Variants in NTM observed in about 807,000 individuals in gnomAD.
NTM encodes IgLON family member 2.
Under a neutral mutation model 42.1 loss-of-function variants are expected in NTM, and 13 were observed. The ratio of observed to expected loss-of-function variants is 0.31; its 90% CI spans 0.20 to 0.49. NTM has a LOEUF of 0.49. NTM is among the 20% of genes least tolerant of loss of function. The pLI is 0.99. For synonymous variants in NTM, 187 were observed against 179.2 expected (o/e 1.04, Z -0.35); for missense variants, 373 against 452.8 (o/e 0.82, Z 1.60).
chr11:131,888,588 C>T (rs2050757901), intron 1 of NTM, among the ~76,000 whole-genome samples: 4 of 152,170 alleles, frequency 2.6e-5, no homozygotes. Context: ...CTCCCTCCTC[C>T]TTCCACTTCC....
chr11:131,612,519 T>A (rs372590397), intron 1 of NTM, among the ~76,000 whole-genome samples: 7 of 152,256 alleles, frequency 4.6e-5, no homozygotes, highest in East Asian at 3.9e-4. Context: ...CCAAAGTCTA[T>A]CCAAAAGGGT....
intron 1 of NTM, among the ~76,000 whole-genome samples, chr11:131,797,488 G>T (rs955645083): frequency 6.6e-6 from 1 of 152,202 alleles, no homozygotes; most frequent in Non-Finnish European, 1.5e-5. Context: ...AAGGAAATAT[G>T]AGACAAATGG....
rs142591422 is a variant in NTM at position 131,988,299 on chromosome 11, G to A, written c.167+76651G>A. Among the ~76,000 whole-genome samples, 907 of 152,288 alleles carry A rather than the reference G, an allele frequency of 6.0e-3. 12 individuals carry two copies. Among genetic ancestry groups the A allele is most frequent in the African/African-American group, 0.021 (863 of 41,572 alleles). On this transcript the variant is annotated intron_variant, in intron 2 of 8. Coordinates refer to ENST00000683400, the MANE Select transcript of NTM (RefSeq NM_001352005.2). Reference sequence around the variant, plus strand: ...GGAGACAAAAACCATTCAGACTGTAGCATTGAAGGTTATTGTCTGATTAAA... The same window carrying A: ...GGAGACAAAAACCATTCAGACTGTAACATTGAAGGTTATTGTCTGATTAAA...
chr11:132,292,182 T>C (rs1327278484), intron 4 of NTM, among the ~76,000 whole-genome samples: 1 of 152,192 alleles, frequency 6.6e-6, no homozygotes, highest in Non-Finnish European at 1.5e-5. Flanking sequence ...GGAATTGGTT[T>C]TTTGATAGCG....
chr11:132,037,233 G>A (rs894766775), intron 2 of NTM, among the ~76,000 whole-genome samples: 21 of 151,952 alleles, frequency 1.4e-4, no homozygotes, highest in African/African-American at 4.6e-4. Context: ...GTGGAAAAGA[G>A]CCTGGTAAGA....
intron 7 of NTM, among the ~76,000 whole-genome samples, chr11:132,319,154 G>T (rs988433861): frequency 1.3e-5 from 2 of 152,160 alleles, no homozygotes; most frequent in African/African-American, 4.8e-5. Flanking sequence ...CAAGATGGCC[G>T]AATAGGAACA....
intron 1 of NTM, among the ~76,000 whole-genome samples, chr11:131,511,230 G>A (rs988083721): frequency 6.6e-6 from 1 of 152,146 alleles, no homozygotes; most frequent in Non-Finnish European, 1.5e-5. Context: ...TGGTACACAC[G>A]GGTTCCTTGG....
Position 132,335,053 on chromosome 11 carries a change from C to A in NTM, c.975C>A (p.Gly325=), listed in dbSNP as rs184652868. The change falls in exon 9 of 9, where the codon GGC becomes GGA. Residue 325 remains glycine, a synonymous_variant. Coordinates refer to ENST00000683400, the MANE Select transcript of NTM (RefSeq NM_001352005.2). The part of the protein sequence containing the change: ...TTALTPWKGP[G]AVSEVSNGTS... ...AGTGTGTTCTCTCCACAGGTCCAGG[C>A]GCCGTCAGCGAGGTGAGCAACGGCA... 6.2e-7 allele frequency: 1 copy of A among 1,612,044 alleles called. No homozygotes were observed. The highest frequency in any genetic ancestry group is 2.2e-5 in the East Asian group (1 of 44,816).
At chr11:132,145,625 G>A (rs2070217221) in intron 2 of NTM, among the ~76,000 whole-genome samples, 1 of 152,178 alleles carries the variant, frequency 6.6e-6, no homozygotes, top group Non-Finnish European at 1.5e-5. Flanking sequence ...TTTGGAAAGT[G>A]GCTTTAGTCT....
Position 132,146,649 on chromosome 11 carries a change from G to A in NTM, c.400+135G>A. On this transcript the variant is annotated intron_variant, in intron 3 of 8. Transcript: ENST00000683400. The surrounding 1 kb of genome is among the most constrained non-coding windows in gnomAD (Gnocchi z 4.5). ...ATCTGGGGTCCAGGGCACATTTCTGGTTGTCATTTTGCAGTTAGAAGCTAA... is the reference window on the plus strand; with the variant it reads ...ATCTGGGGTCCAGGGCACATTTCTGATTGTCATTTTGCAGTTAGAAGCTAA... The A allele has an allele frequency of 1.1e-6, 1 of 891,572 alleles. No homozygotes were observed. Among genetic ancestry groups the A allele is most frequent in the East Asian group, 2.8e-5 (1 of 36,036 alleles). 55.2% of individuals were successfully genotyped at this position (891,572 alleles called of 1,614,324 possible). A position where few individuals can be genotyped will look rare whatever the true frequency, so the allele number is the denominator to read the frequency against.
intron 7 of NTM, among the ~76,000 whole-genome samples, chr11:132,329,731 G>T (rs893226317): frequency 1.3e-5 from 2 of 152,178 alleles, no homozygotes; most frequent in Admixed American, 6.5e-5. Context: ...AACTTTATAC[G>T]TAAGACCTAC....
chr11:132,154,898 C>T (rs2072833405), intron 3 of NTM, among the ~76,000 whole-genome samples: 1 of 152,226 alleles, frequency 6.6e-6, no homozygotes, highest in Non-Finnish European at 1.5e-5. Flanking sequence ...GAGCACCACA[C>T]TTTCTTCATT....
At chr11:131,462,947 TC>T (rs1951540101) in intron 1 of NTM, among the ~76,000 whole-genome samples, 1 of 147,404 alleles carries the variant, frequency 6.8e-6, no homozygotes. Flanking sequence ...ACTTATCTAC[TC>T]ATGAAAAAAA....
At chr11:131,597,543 GGC>G (rs1394075331) in intron 1 of NTM, among the ~76,000 whole-genome samples, 3 of 152,146 alleles carry the variant, frequency 2.0e-5, no homozygotes, top group African/African-American at 4.8e-5. Context: ...CAAGGCCTAA[GGC>G]GCGCAAGTTC....
At chr11:131,542,452 G>C (rs1565620101) in intron 1 of NTM, among the ~76,000 whole-genome samples, 1 of 152,184 alleles carries the variant, frequency 6.6e-6, no homozygotes, top group Non-Finnish European at 1.5e-5. Flanking sequence ...TAAAACTTCT[G>C]TAACTAAGCA....
At chr11:131,722,021 A>AAAAAAAAAAG (rs368857349) in intron 1 of NTM, among the ~76,000 whole-genome samples, 1 of 112,746 alleles carries the variant, frequency 8.9e-6, no homozygotes, top group African/African-American at 3.4e-5. Flanking sequence ...AAAAAAAAAA[A>AAAAAAAAAAG]AGAGAGAAAG....
chr11:131,394,253 C>T (rs1565458346), intron 1 of NTM, among the ~76,000 whole-genome samples: 2 of 152,200 alleles, frequency 1.3e-5, no homozygotes, highest in Admixed American at 1.3e-4. Context: ...TCCCTCATTT[C>T]TCTCTCTACT....
intron 4 of NTM, among the ~76,000 whole-genome samples, chr11:132,304,567 C>T (rs1275662811): frequency 6.6e-6 from 1 of 152,074 alleles, no homozygotes; most frequent in Admixed American, 6.5e-5. Flanking sequence ...TTTTGGGGGG[C>T]TTGTTTGAGG....
chr11:132,000,283 C>A (rs1343854055), intron 2 of NTM, among the ~76,000 whole-genome samples: 3 of 152,214 alleles, frequency 2.0e-5, no homozygotes. Context: ...TCTGACACTC[C>A]TTTGTCAATC....
Sources: allele counts gnomAD v4.1 joint callset (sites outside exome capture counted in the v4.1 genomes callset), GRCh38; gene constraint gnomAD v4.1.1; non-coding constraint Gnocchi (gnomAD v3.1); transcripts MANE v1.5; gene names NCBI Gene and HGNC (gene_info 2026-07-23, HGNC 2026-07-21).